Variants in CDON observed in about 807,000 individuals in gnomAD.
CDON encodes cell adhesion associated, oncogene regulated, also known as cell adhesion molecule-related/down-regulated by oncogenes.
In CDON, 73 loss-of-function variants were observed where a neutral mutation model predicts 120.9. The observed-to-expected ratio is 0.60, with a 90% CI of 0.50 to 0.73. The LOEUF (loss-of-function observed/expected upper bound fraction) is 0.73, where lower values mean the gene tolerates loss of function less well. CDON is among the 30% of genes least tolerant of loss of function. CDON has a pLI of 0.00. For synonymous variants in CDON, 566 were observed against 573.5 expected (o/e 0.99, Z 0.19); for missense variants, 1,470 against 1,587.3 (o/e 0.93, Z 1.26).
At chr11:126,051,667 T>TC (rs59973960) in intron 1 of CDON, among the ~76,000 whole-genome samples, 2 of 150,362 alleles carry the variant, frequency 1.3e-5, no homozygotes, top group Non-Finnish European at 3.0e-5. Context: ...TTTTTTTTTT[T>TC]CCAGAGTCTC....
chr11:125,978,532 G>A (rs1461361331), intron 17 of CDON, 149 bp from the exon 18 acceptor site: 4 of 680,092 alleles, frequency 5.9e-6, no homozygotes, highest in South Asian at 3.2e-5. Context: ...CCAGAGCAAC[G>A]TCATTGTGAA....
intron 1 of CDON, among the ~76,000 whole-genome samples, chr11:126,028,607 C>T (rs1947862648): frequency 6.6e-6 from 1 of 152,038 alleles, no homozygotes; most frequent in East Asian, 1.9e-4. Flanking sequence ...AAGCAATCCA[C>T]CTGCCTCAGC....
chr11:125,975,209 TAG>T (rs1336411850), intron 18 of CDON, among the ~76,000 whole-genome samples: 2 of 152,220 alleles, frequency 1.3e-5, no homozygotes, highest in Non-Finnish European at 2.9e-5. Flanking sequence ...ATTACAGACA[TAG>T]AGATTTTTTT....
intron 1 of CDON, among the ~76,000 whole-genome samples, chr11:126,043,136 G>C (rs907572443): frequency 1.3e-5 from 2 of 152,214 alleles, no homozygotes; most frequent in African/African-American, 2.4e-5. Flanking sequence ...TGTGGGCTGA[G>C]TCTTCGTTTG....
In CDON at chr11:125,958,071, T is replaced by C. The variant is rs997498345; in HGVS notation, c.*2871A>G. 2 of 152,200 alleles carry C rather than the reference T, an allele frequency of 1.3e-5. No homozygotes were observed. The highest frequency in any genetic ancestry group is 2.4e-5 in the African/African-American group (1 of 41,438). The allele number at this position is 152,200 out of a possible 1,614,324, so 9.4% of individuals were successfully genotyped here. ...TGTGGACCTCTGGAAGACGAAGTCA[T>C]AAGCAGAGCTCTGCCCGCGGAGGCC... is the stretch of plus-strand genomic sequence containing the variant. On this transcript the variant is annotated 3_prime_UTR_variant, in exon 20 of 20. Transcript: ENST00000531738.
rs1175014544 is a variant in CDON, at chr11:125,961,535, A to C, written c.3631+189T>G. 4.4e-6 allele frequency: 3 copies of C among 687,474 alleles called. No homozygotes were observed. In the African/African-American group the frequency reaches 5.4e-5, roughly 12 times the overall value. The allele number at this position is 687,474 out of a possible 1,614,324, so 42.6% of individuals were successfully genotyped here. A position where few individuals can be genotyped will look rare whatever the true frequency, so the allele number is the denominator to read the frequency against. ...CCTGAGATGAAGGACATGAGTAATAACAGAATTTCAAAGAATCCTTTATCT... is the reference window on the plus strand; with the variant it reads ...CCTGAGATGAAGGACATGAGTAATACCAGAATTTCAAAGAATCCTTTATCT... On this transcript the variant is annotated intron_variant, in intron 19 of 19. Coordinates refer to ENST00000531738, the MANE Select transcript of CDON (RefSeq NM_001378964.1).
chr11:126,032,351 A>G (rs1565542888), intron 1 of CDON, among the ~76,000 whole-genome samples: 1 of 152,042 alleles, frequency 6.6e-6, no homozygotes, highest in African/African-American at 2.4e-5. Flanking sequence ...CAGAAGGAAC[A>G]GTGTGTTTGT....
chr11:126,001,558 TA>T (rs1366135913), intron 11 of CDON, among the ~76,000 whole-genome samples, 160 bp downstream of exon 11: 3 of 151,922 alleles, frequency 2.0e-5, no homozygotes, highest in African/African-American at 7.3e-5. Context: ...ACTGAGATGC[TA>T]AAGTTTAAAT....
chr11:126,010,341 C>A lies in CDON; in HGVS notation c.1552G>T (p.Val518Phe). The A allele has an allele frequency of 6.3e-7, 1 of 1,594,936 alleles. No individual in the cohort carries two copies. Residue 518 changes from valine to phenylalanine, a missense_variant and splice_region_variant, in exon 8 of 20, where the codon GTT becomes TTT. By Grantham distance (50) the Val-to-Phe change is conservative. Coordinates refer to ENST00000531738, the MANE Select transcript of CDON (RefSeq NM_001378964.1). ...AAAATAAATAATAATGGCAACTCAC[C>A]AACCATGAGAGATGCTTCTGCCTGT... is the stretch of plus-strand genomic sequence containing the variant. The part of the protein sequence containing the change: ...TTQAEASLMV[V>F]PFETNTKAET...
intron 12 of CDON, among the ~76,000 whole-genome samples, chr11:125,996,358 C>G (rs1250375069): frequency 6.6e-6 from 1 of 151,952 alleles, no homozygotes; most frequent in Non-Finnish European, 1.5e-5. Flanking sequence ...TTTAATGATA[C>G]TGGAAAACAT....
chr11:126,035,962 G>A (rs551380247), intron 1 of CDON, among the ~76,000 whole-genome samples: 1 of 152,240 alleles, frequency 6.6e-6, no homozygotes, highest in South Asian at 2.1e-4. Context: ...ACACATGCAC[G>A]AAGCGGCAGT....
rs535332707 is a variant in CDON at position 125,997,590 on chromosome 11, A to T, written c.2159-180T>A. ...CTCTGTGAAAATCTAATGGGAATACAGGAAATAAAGAGAAAGTAAAATGAT... is the reference window on the plus strand; with the variant it reads ...CTCTGTGAAAATCTAATGGGAATACTGGAAATAAAGAGAAAGTAAAATGAT... On this transcript the variant is annotated intron_variant, in intron 11 of 19. Coordinates refer to ENST00000531738, the MANE Select transcript of CDON (RefSeq NM_001378964.1). Among the ~76,000 whole-genome samples the T allele has an allele frequency of 4.6e-5, 7 of 152,350 alleles. No homozygotes were observed. The East Asian group carries it at 1.2e-3, about 25-fold the overall frequency.
At chr11:126,000,216 T>A (rs77901148) in intron 11 of CDON, among the ~76,000 whole-genome samples, 43 of 151,930 alleles carry the variant, frequency 2.8e-4, no homozygotes, top group East Asian at 3.9e-4. Context: ...GTAATTTTTT[T>A]AAAAAAATAG....
intron 18 of CDON, among the ~76,000 whole-genome samples, chr11:125,964,358 G>C (rs1186787574): frequency 6.6e-6 from 1 of 152,206 alleles, no homozygotes; most frequent in Non-Finnish European, 1.5e-5. Context: ...CTGAAAGAGT[G>C]AAGAGTGAAG....
At chr11:125,994,453 G>A (rs1946722386) in intron 13 of CDON, 64 bp from the exon 14 acceptor site, 1 of 912,076 alleles carries the variant, frequency 1.1e-6, no homozygotes, top group Admixed American at 1.8e-5. Context: ...ATTCATTAAG[G>A]TTTCTTTATC....
At chr11:126,056,866 ACTTTT>A (rs1334652258) in intron 1 of CDON, among the ~76,000 whole-genome samples, 1 of 152,136 alleles carries the variant, frequency 6.6e-6, no homozygotes, top group Non-Finnish European at 1.5e-5. Context: ...TTTATGGTGG[ACTTTT>A]CTTTTTTCTT....
chr11:125,961,227 G>T, intron 19 of CDON, 122 bp from the exon 20 acceptor site: 1 of 891,642 alleles, frequency 1.1e-6, no homozygotes. Flanking sequence ...AATAGAACCT[G>T]GTTTGTGTGT....
At chr11:125,980,169 CCAAA>C in intron 17 of CDON, among the ~76,000 whole-genome samples, 1 of 152,248 alleles carries the variant, frequency 6.6e-6, no homozygotes, top group East Asian at 1.9e-4. Flanking sequence ...AGATGTGCAT[CCAAA>C]CAATGTCATA....
intron 15 of CDON, among the ~76,000 whole-genome samples, chr11:125,987,815 T>C (rs571326138): frequency 6.6e-6 from 1 of 152,300 alleles, no homozygotes; most frequent in Admixed American, 6.5e-5. Flanking sequence ...AAATATATGC[T>C]AAACAAATGA....
Sources: gnomAD v4.1 joint callset for allele counts (sites outside exome capture counted in the v4.1 genomes callset) on GRCh38, gnomAD v4.1.1 for gene constraint, MANE v1.5 for transcripts, NCBI Gene and HGNC (gene_info 2026-07-23, HGNC 2026-07-21) for gene names.